Variants in ABHD12 observed in about 807,000 individuals in gnomAD.
The protein encoded by ABHD12 is abhydrolase domain containing 12, lysophospholipase.
A neutral mutation model predicts 58.3 loss-of-function variants in ABHD12; 43 were observed. The ratio of observed to expected loss-of-function variants is 0.74; its 90% CI spans 0.58 to 0.95. ABHD12 has a LOEUF of 0.95. ABHD12 is among the 40% of genes least tolerant of loss of function. The pLI is 0.00. For missense variants in ABHD12, 539 were observed against 537.2 expected, an observed-to-expected ratio of 1.00 and a Z score of -0.03; for synonymous variants, 219 against 211.2, an observed-to-expected ratio of 1.04 and a Z score of -0.32.
chr20:25,319,791 T>G (rs1453187349), intron 4 of ABHD12, among the ~76,000 whole-genome samples: 1 of 152,130 alleles, frequency 6.6e-6, no homozygotes, highest in African/African-American at 2.4e-5. Flanking sequence ...GCTGTGACCT[T>G]TGAGATTACA....
chr20:25,349,261 T>C (rs762309948), intron 1 of ABHD12, among the ~76,000 whole-genome samples: 2 of 152,090 alleles, frequency 1.3e-5, no homozygotes, highest in Admixed American at 6.5e-5. Flanking sequence ...GATACACACA[T>C]GCTGGGAGTA....
intron 1 of ABHD12, among the ~76,000 whole-genome samples, chr20:25,359,080 C>T (rs1409102046): frequency 6.8e-6 from 1 of 147,968 alleles, no homozygotes; most frequent in Non-Finnish European, 1.5e-5. Flanking sequence ...CCCTAGCATG[C>T]ATTAATGATG....
chr20:25,352,648 T>C (rs2089616914), intron 1 of ABHD12, among the ~76,000 whole-genome samples: 1 of 152,240 alleles, frequency 6.6e-6, no homozygotes, highest in Non-Finnish European at 1.5e-5. Context: ...ATTAAGTGAC[T>C]ATCTGTATCT....
rs751272323 is a variant in ABHD12, at chr20:25,362,003, G to A, written c.192-22652C>T. Among the ~76,000 whole-genome samples the A allele has an allele frequency of 5.3e-5, 8 of 151,334 alleles. No individual in the cohort carries two copies. In the South Asian group the frequency reaches 1.3e-3, roughly 24 times the overall value. Reference sequence around the variant, plus strand: ...AAAAGAAAATCTTACACCCGGGCACGGTGGCTCATGCCTGTAATCCCAGCA... The same window carrying A: ...AAAAGAAAATCTTACACCCGGGCACAGTGGCTCATGCCTGTAATCCCAGCA... On this transcript the variant is annotated intron_variant, in intron 1 of 12. Coordinates refer to ENST00000339157, the MANE Select transcript of ABHD12 (RefSeq NM_001042472.3).
intron 1 of ABHD12, among the ~76,000 whole-genome samples, chr20:25,361,726 C>T (rs1454388653): frequency 1.3e-5 from 2 of 152,008 alleles, no homozygotes; most frequent in African/African-American, 2.4e-5. Flanking sequence ...GAGGCCGAGA[C>T]GGGTGGATCA....
chr20:25,382,939 AG>A (rs141562833), intron 1 of ABHD12, among the ~76,000 whole-genome samples: 2,197 of 147,782 alleles, frequency 0.015, 26 homozygotes, highest in Non-Finnish European at 0.022. Context: ...GTACCAGTTG[AG>A]GGGGGGGGCC....
chr20:25,303,896 T>A (rs2088686671), intron 10 of ABHD12, among the ~76,000 whole-genome samples: 2 of 152,214 alleles, frequency 1.3e-5, no homozygotes, highest in African/African-American at 4.8e-5. Context: ...TTCCACCAGA[T>A]ATATATATTT....
Position 25,300,885 on chromosome 20 carries a change from C to T in ABHD12, c.1158-1G>A. 1 of 1,613,950 alleles carries T rather than the reference C, an allele frequency of 6.2e-7. No homozygotes were observed. Among genetic ancestry groups the T allele is most frequent in the Non-Finnish European group, 8.5e-7 (1 of 1,179,918 alleles). On this transcript the variant is annotated splice_acceptor_variant, in intron 12 of 12. Coordinates refer to ENST00000339157, the MANE Select transcript of ABHD12 (RefSeq NM_001042472.3). LOFTEE classifies it high-confidence loss of function. The stretch of plus-strand genomic sequence containing the variant: ...AGGCTCCGACTTCCCCAGGAATTCC[C>T]TAGACCACAGGACAATCAGGAGCCA...
intron 9 of ABHD12, 34 bp downstream of exon 9, chr20:25,307,932 T>C (rs1278331367): frequency 1.7e-6 from 2 of 1,194,540 alleles, no homozygotes; most frequent in Admixed American, 1.7e-5. Flanking sequence ...ATCTTAATAA[T>C]GAAAAGTTAA....
chr20:25,316,328 T>G (rs2088961379), intron 5 of ABHD12, among the ~76,000 whole-genome samples: 2 of 151,964 alleles, frequency 1.3e-5, no homozygotes, highest in Non-Finnish European at 2.9e-5. Flanking sequence ...CTGGCTAATT[T>G]TTTTTGTATT....
chr20:25,376,885 TTC>T (rs917144103), intron 1 of ABHD12, among the ~76,000 whole-genome samples: 2 of 152,238 alleles, frequency 1.3e-5, no homozygotes, highest in African/African-American at 4.8e-5. Flanking sequence ...GAGTTTCACT[TTC>T]TCTGTTTTAA....
intron 1 of ABHD12, among the ~76,000 whole-genome samples, chr20:25,383,145 G>T (rs1234077473): frequency 2.6e-5 from 4 of 152,174 alleles, no homozygotes; most frequent in Non-Finnish European, 5.9e-5. Flanking sequence ...CACTTAGAGG[G>T]TGAGGTTGAT....
chr20:25,366,851 G>A (rs2089829101), intron 1 of ABHD12, among the ~76,000 whole-genome samples: 1 of 152,110 alleles, frequency 6.6e-6, no homozygotes, highest in African/African-American at 2.4e-5. Context: ...GGGAATCTCT[G>A]TCCTGTCACA....
intron 12 of ABHD12, 99 bp from the exon 13 acceptor site, chr20:25,300,983 A>C: frequency 7.7e-7 from 1 of 1,305,632 alleles, no homozygotes; most frequent in African/African-American, 1.5e-5. Context: ...GAGGCTGTGC[A>C]GAGAGGAGGC....
chr20:25,295,254 C>T (rs2257420), downstream of ABHD12, among the ~76,000 whole-genome samples: 170 of 152,274 alleles, frequency 1.1e-3, 3 homozygotes, highest in Non-Finnish European at 3.1e-4. Flanking sequence ...TGCCCTGAGG[C>T]GGCGCCATGG....
chr20:25,350,629 A>G (rs2089585520), intron 1 of ABHD12, among the ~76,000 whole-genome samples: 1 of 152,200 alleles, frequency 6.6e-6, no homozygotes, highest in Non-Finnish European at 1.5e-5. Context: ...AGTCTCAGGT[A>G]TGTGTTTATT....
intron 1 of ABHD12, chr20:25,368,670 T>C (rs1326130092): frequency 2.2e-6 from 3 of 1,364,960 alleles, no homozygotes; most frequent in Non-Finnish European, 3.1e-6. Flanking sequence ...GAAAGTTTTC[T>C]GCTGTCTTTG....
intron 2 of ABHD12, among the ~76,000 whole-genome samples, chr20:25,324,290 GGGA>G (rs1191701577): frequency 6.6e-6 from 1 of 152,194 alleles, no homozygotes; most frequent in African/African-American, 2.4e-5. Context: ...ACATGTGGCT[GGGA>G]GGATATACAG....
At chr20:25,304,335 C>A (rs2474779) in intron 10 of ABHD12, among the ~76,000 whole-genome samples, 1 of 152,242 alleles carries the variant, frequency 6.6e-6, no homozygotes, top group African/African-American at 2.4e-5. Flanking sequence ...GTCTGATGTG[C>A]GAGTCCCTCT....
Sources: allele counts gnomAD v4.1 joint callset (sites outside exome capture counted in the v4.1 genomes callset), GRCh38; gene constraint gnomAD v4.1.1; transcripts MANE v1.5; gene names NCBI Gene and HGNC (gene_info 2026-07-23, HGNC 2026-07-21).